ZNF286A: variants seen among roughly 807,000 people sequenced by gnomAD.
ZNF286A encodes zinc finger protein 286A.
In ZNF286A, 34 loss-of-function variants were observed where a neutral mutation model predicts 49.3. That is an observed-to-expected ratio of 0.69 (90% CI 0.52 to 0.92). The LOEUF (loss-of-function observed/expected upper bound fraction) is 0.92, where lower values mean the gene tolerates loss of function less well. Ranked by LOEUF, ZNF286A falls within the 40% of genes least tolerant of loss-of-function variation. The pLI, the probability that ZNF286A is intolerant of heterozygous loss-of-function variation, is 0.00. For missense variants in ZNF286A, 462 were observed against 600.2 expected, an observed-to-expected ratio of 0.77 and a Z score of 2.41; for synonymous variants, 155 against 200.4, an observed-to-expected ratio of 0.77 and a Z score of 1.91.
intron 5 of ZNF286A, among the ~76,000 whole-genome samples, chr17:15,710,336 C>T (rs1236928960): frequency 6.6e-6 from 1 of 152,094 alleles, no homozygotes; most frequent in East Asian, 1.9e-4. Flanking sequence ...TACTTTATCC[C>T]AGTGTCAGAA....
At chr17:15,712,895 C>G (rs192461986) in intron 5 of ZNF286A, among the ~76,000 whole-genome samples, 1 of 152,128 alleles carries the variant, frequency 6.6e-6, no homozygotes, top group Non-Finnish European at 1.5e-5. Context: ...TACTCATTAT[C>G]CCAACCTCAT....
In ZNF286A at chr17:15,717,991, T is replaced by G. The variant is rs1340311445; in HGVS notation, c.*701T>G. ...CTCTGTTGCCCGGGCTGGAGTGCAG[T>G]GGCGCGATCTCGGCTCACTGCAACC... On this transcript the variant is annotated 3_prime_UTR_variant, in exon 6 of 6. Coordinates refer to ENST00000583566, the MANE Select transcript of ZNF286A (RefSeq NM_001130842.2). 6.8e-6 allele frequency: 1 copy of G among 146,180 alleles called. No individual in the cohort carries two copies. The highest frequency in any genetic ancestry group is 1.5e-5 in the Non-Finnish European group (1 of 67,630). The allele number at this position is 146,180 out of a possible 1,614,324, so 9.1% of individuals were successfully genotyped here. A position where few individuals can be genotyped will look rare whatever the true frequency, so the allele number is the denominator to read the frequency against.
intron 5 of ZNF286A, among the ~76,000 whole-genome samples, chr17:15,711,973 G>A (rs1445387873): frequency 2.1e-5 from 3 of 144,586 alleles, no homozygotes; most frequent in East Asian, 2.1e-4. Flanking sequence ...CTGGGTTCAC[G>A]CCATTCTCCT....
Position 15,717,036 on chromosome 17 carries a change from T to C in ZNF286A, c.1312T>C (p.Tyr438His). 6.2e-7 allele frequency: 1 copy of C among 1,614,134 alleles called. No individual in the cohort carries two copies. The highest frequency in any genetic ancestry group is 2.2e-5 in the East Asian group (1 of 44,872). ...HQRIHTGEKP[Y>H]ECNECGKTFS... ...GAGAATTCACACTGGAGAGAAACCC[T>C]ATGAGTGTAATGAATGTGGGAAAAC... Residue 438 changes from tyrosine (Y) to histidine (H), a missense_variant, in exon 6 of 6, where the codon TAT (tyrosine) becomes CAT (histidine). Tyr to His is a moderately conservative substitution (Grantham distance 83). Transcript: ENST00000583566.
intron 5 of ZNF286A, among the ~76,000 whole-genome samples, chr17:15,709,348 C>T (rs561982116): frequency 4.0e-5 from 6 of 149,574 alleles, no homozygotes; most frequent in Admixed American, 1.3e-4. Context: ...AAAAATTAGC[C>T]GGGCATGGTG....
intron 3 of ZNF286A, chr17:15,705,016 C>G (rs530361521): frequency 7.9e-5 from 50 of 631,340 alleles, no homozygotes; most frequent in Middle Eastern, 9.9e-4. Context: ...CCCGGCGGCC[C>G]CGCTCCGCTC....
intron 2 of ZNF286A, among the ~76,000 whole-genome samples, chr17:15,700,943 T>C (rs868424923): frequency 0.016 from 2,139 of 137,146 alleles, 38 homozygotes; most frequent in African/African-American, 0.058. Flanking sequence ...GAATGTGTTA[T>C]GATTATAGCA....
At position 15,719,522 on chromosome 17, in the gene ZNF286A, C is replaced by T. The variant is rs1196930101; in HGVS notation, c.*2232C>T. ...TTTAGGGTCTAGGGAAGGTCTGCTTCTTGGTTAATAGAAAGCACCTTTCAC... is the reference window on the plus strand; with the variant it reads ...TTTAGGGTCTAGGGAAGGTCTGCTTTTTGGTTAATAGAAAGCACCTTTCAC... On this transcript the variant is annotated 3_prime_UTR_variant, in exon 6 of 6. Coordinates refer to ENST00000583566, the MANE Select transcript of ZNF286A (RefSeq NM_001130842.2). 1 of 151,556 alleles carries T rather than the reference C, an allele frequency of 6.6e-6. No individual in the cohort carries two copies. Among genetic ancestry groups the T allele is most frequent in the Non-Finnish European group, 1.5e-5 (1 of 67,952 alleles). 9.4% of individuals were successfully genotyped at this position (151,556 alleles called of 1,614,324 possible). A position where few individuals can be genotyped will look rare whatever the true frequency, so the allele number is the denominator to read the frequency against.
chr17:15,710,034 G>A, intron 5 of ZNF286A: 1 of 844,782 alleles, frequency 1.2e-6, no homozygotes, highest in East Asian at 2.7e-5. Context: ...ATAAATACAA[G>A]TTTGAGCATT....
rs1334662133 is a variant in ZNF286A at position 15,718,830 on chromosome 17, G to A, written c.*1540G>A. On this transcript the variant is annotated 3_prime_UTR_variant, in exon 6 of 6. Coordinates refer to ENST00000583566, the MANE Select transcript of ZNF286A (RefSeq NM_001130842.2). ...TAATTGGCTCATGGTTCCATGGGCT[G>A]TACAGGAAGTATGACTGGGGAGGTC... 6.9e-3 allele frequency: 998 copies of A among 144,500 alleles called. 3 individuals are homozygous for A. The highest frequency in any genetic ancestry group is 0.025 in the African/African-American group (932 of 36,718). The allele number at this position is 144,500 out of a possible 1,614,324, so 9.0% of individuals were successfully genotyped here.
chr17:15,705,515 TTA>T (rs1036436222), intron 3 of ZNF286A, among the ~76,000 whole-genome samples: 1 of 152,214 alleles, frequency 6.6e-6, no homozygotes, highest in Non-Finnish European at 1.5e-5. Flanking sequence ...TTTTCCTATT[TTA>T]TTTCATTATT....
At chr17:15,714,449 A>T (rs1351327075) in intron 5 of ZNF286A, among the ~76,000 whole-genome samples, 1 of 152,108 alleles carries the variant, frequency 6.6e-6, no homozygotes, top group Non-Finnish European at 1.5e-5. Context: ...CCTTATGTCA[A>T]TTTATGTTTT....
intron 4 of ZNF286A, 146 bp from the exon 5 acceptor site, chr17:15,708,009 A>T: frequency 2.1e-6 from 1 of 473,526 alleles, no homozygotes; most frequent in Non-Finnish European, 3.4e-6. Flanking sequence ...AATAAAAAGT[A>T]AATTTTTATA....
At chr17:15,708,990 A>G (rs1376045249) in intron 5 of ZNF286A, among the ~76,000 whole-genome samples, 1 of 152,138 alleles carries the variant, frequency 6.6e-6, no homozygotes, top group African/African-American at 2.4e-5. Context: ...GAGGATAGAT[A>G]CATACTCACT....
Position 15,708,242 on chromosome 17 carries a change from A to C in ZNF286A, c.329A>C (p.Tyr110Ser), listed in dbSNP as rs753127298. The change falls in exon 5 of 6, where the codon TAT (tyrosine) becomes TCT (serine). Residue 110 changes from tyrosine (Y) to serine (S), a missense_variant. Transcript: ENST00000583566. ...KLERKAPKSSYSDMETRPQSK... is the reference protein window; with the variant it reads ...KLERKAPKSSSSDMETRPQSK... ...GAGAGAAAAGCCCCCAAAAGCAGCTATTCAGGTGAGCCAGATAGATGGGAG... is the reference window on the plus strand; with the variant it reads ...GAGAGAAAAGCCCCCAAAAGCAGCTCTTCAGGTGAGCCAGATAGATGGGAG... 1.3e-6 allele frequency: 2 copies of C among 1,586,794 alleles called. No individual in the cohort carries two copies. Among genetic ancestry groups the C allele is most frequent in the Admixed American group, 1.8e-5 (1 of 56,590 alleles).
At chr17:15,701,459 A>C (rs1415746980) in intron 3 of ZNF286A, 1 of 412,418 alleles carries the variant, frequency 2.4e-6, no homozygotes, top group South Asian at 4.1e-5. Flanking sequence ...ATTGTCCCTC[A>C]ACAGATAGGT....
chr17:15,709,718 T>C (rs1271113003), intron 5 of ZNF286A: 44 of 1,112,412 alleles, frequency 4.0e-5, no homozygotes, highest in Non-Finnish European at 5.1e-5. Context: ...GATATTAATC[T>C]ATGTTAATAT....
At chr17:15,710,099 C>G (rs1990541948) in intron 5 of ZNF286A, among the ~76,000 whole-genome samples, 1 of 152,122 alleles carries the variant, frequency 6.6e-6, no homozygotes, top group African/African-American at 2.4e-5. Flanking sequence ...TACCCTTTGC[C>G]TGTTTTTTGA....
Position 15,716,590 on chromosome 17 carries a change from A to G in ZNF286A, c.866A>G (p.His289Arg). The change falls in exon 6 of 6, where the codon CAC (histidine) becomes CGC (arginine). Residue 289 changes from histidine (H) to arginine (R), a missense_variant. Transcript: ENST00000583566. The part of the protein sequence containing the change: ...SFSHRANLTK[H>R]QRTHTRILFE... ...AGCCACAGAGCTAATTTAACTAAACACCAGAGAACTCATACTAGAATTCTC... is the reference window on the plus strand; with the variant it reads ...AGCCACAGAGCTAATTTAACTAAACGCCAGAGAACTCATACTAGAATTCTC... 1 of 1,614,076 alleles carries G rather than the reference A, an allele frequency of 6.2e-7. No homozygotes were observed. Among genetic ancestry groups the G allele is most frequent in the Non-Finnish European group, 8.5e-7 (1 of 1,180,002 alleles).
Sources: gnomAD v4.1 joint callset for allele counts (sites outside exome capture counted in the v4.1 genomes callset) on GRCh38, gnomAD v4.1.1 for gene constraint, MANE v1.5 for transcripts, NCBI Gene and HGNC (gene_info 2026-07-23, HGNC 2026-07-21) for gene names.